The following OR56A3 variants were observed in gnomAD, a reference collection of about 807,000 sequenced individuals.
OR56A3 encodes the protein olfactory receptor 56A3.
Under a neutral mutation model 17.5 loss-of-function variants are expected in OR56A3, and 23 were observed. The observed-to-expected ratio is 1.32, with a 90% confidence interval of 0.95 to 1.87. OR56A3 has a LOEUF of 1.87. OR56A3 is among the 40% of genes most tolerant of loss of function. The pLI, the probability that OR56A3 is intolerant of heterozygous loss-of-function variation, is 0.00. For synonymous variants in OR56A3, 175 were observed against 150.6 expected, an observed-to-expected ratio of 1.16 and a Z score of -1.19; for missense variants, 366 against 380.1, an observed-to-expected ratio of 0.96 and a Z score of 0.31.
the OR56A3 span, among the ~76,000 whole-genome samples, chr11:6,009,118 AT>A: frequency 6.6e-6 from 1 of 152,196 alleles, no homozygotes; most frequent in Non-Finnish European, 1.5e-5. Context: ...TGCAGATGTA[AT>A]AAACTTAAAA....
chr11:6,002,510 A>G, the OR56A3 span: 1 of 1,614,260 alleles, frequency 6.2e-7, no homozygotes, highest in South Asian at 1.1e-5. Flanking sequence ...GCATGGGAAC[A>G]GGAAGAGAAA....
At chr11:6,003,024 T>C in the OR56A3 span, 1 of 1,614,168 alleles carries the variant, frequency 6.2e-7, no homozygotes, top group Non-Finnish European at 8.5e-7. Context: ...GGAGACCCAG[T>C]GTACCTTAAA....
At chr11:5,986,450 G>C in the OR56A3 span, 3 of 1,613,720 alleles carry the variant, frequency 1.9e-6, no homozygotes, top group Admixed American at 5.0e-5. Context: ...ATTCCGATGC[G>C]CCCTATGACC....
At chr11:5,952,335 A>G (rs944344830), downstream of OR56A3, among the ~76,000 whole-genome samples, 1 of 152,206 alleles carries the variant, frequency 6.6e-6, no homozygotes, top group African/African-American at 2.4e-5. Flanking sequence ...AAGCAGGAAC[A>G]GAATCCTATA....
the OR56A3 span, among the ~76,000 whole-genome samples, chr11:5,960,702 G>A: frequency 2.7e-4 from 41 of 152,086 alleles, no homozygotes; most frequent in South Asian, 5.4e-3. Context: ...AGTGAGGAGC[G>A]TCTCTGCCTG....
chr11:6,003,289 G>A, the OR56A3 span: 1 of 537,680 alleles, frequency 1.9e-6, no homozygotes. Context: ...ATAGAGATAA[G>A]GGAAAATTGT....
rs1847893010 is a variant in OR56A3 at position 5,949,001 on chromosome 11, T to G, written c.*707T>G. Reference sequence around the variant, plus strand: ...TCCTCTTCCCCAATGTGTCTGTGCTTAGAACATTTATCTTTCAGATCCAAT... The same window carrying G: ...TCCTCTTCCCCAATGTGTCTGTGCTGAGAACATTTATCTTTCAGATCCAAT... On this transcript the variant is annotated 3_prime_UTR_variant, in exon 3 of 3. Transcript: ENST00000641160. 1 of 152,228 alleles carries G rather than the reference T, an allele frequency of 6.6e-6. No homozygotes were observed. Among genetic ancestry groups the G allele is most frequent in the African/African-American group, 2.4e-5 (1 of 41,456 alleles). 9.4% of individuals were successfully genotyped at this position (152,228 alleles called of 1,614,324 possible). A position where few individuals can be genotyped will look rare whatever the true frequency, so the allele number is the denominator to read the frequency against.
At chr11:6,021,999 T>C in the OR56A3 span, 1 of 152,168 alleles carries the variant, frequency 6.6e-6, no homozygotes. Flanking sequence ...TGGGATCTGA[T>C]GGAGAAGGCC....
the OR56A3 span, among the ~76,000 whole-genome samples, chr11:5,985,305 CT>C: frequency 6.6e-6 from 1 of 152,078 alleles, no homozygotes; most frequent in African/African-American, 2.4e-5. Flanking sequence ...AAAGAGATAT[CT>C]TTTAAAATAA....
At chr11:6,018,040 G>A in the OR56A3 span, among the ~76,000 whole-genome samples, 24 of 20,896 alleles carry the variant, frequency 1.1e-3, no homozygotes, top group African/African-American at 2.4e-3. Context: ...GTGTGTGTGT[G>A]TATATATATA....
At chr11:5,995,115 G>T in the OR56A3 span, 269 of 583,410 alleles carry the variant, frequency 4.6e-4, no homozygotes, top group Admixed American at 7.6e-4. Flanking sequence ...CGCAGCCCAG[G>T]GACCGGTAGT....
the OR56A3 span, among the ~76,000 whole-genome samples, chr11:5,965,567 T>G: frequency 6.6e-6 from 1 of 152,028 alleles, no homozygotes; most frequent in Non-Finnish European, 1.5e-5. Context: ...GAAGGGAAAA[T>G]AAGAAAAAAA....
chr11:6,010,622 G>A, the OR56A3 span, among the ~76,000 whole-genome samples: 1 of 152,162 alleles, frequency 6.6e-6, no homozygotes, highest in Admixed American at 6.5e-5. Context: ...CCCATCAGAA[G>A]TGTGAGAAAG....
chr11:6,003,989 C>T, the OR56A3 span, among the ~76,000 whole-genome samples: 1 of 152,042 alleles, frequency 6.6e-6, no homozygotes, highest in Non-Finnish European at 1.5e-5. Context: ...TTTGTTTTCC[C>T]TGACTACTAA....
the OR56A3 span, among the ~76,000 whole-genome samples, chr11:5,990,834 A>C: frequency 6.6e-6 from 1 of 152,206 alleles, no homozygotes; most frequent in African/African-American, 2.4e-5. Flanking sequence ...TTAAAGACTC[A>C]GGTCAGCCTG....
the OR56A3 span, among the ~76,000 whole-genome samples, chr11:6,011,986 T>C: frequency 2.0e-5 from 3 of 152,164 alleles, no homozygotes; most frequent in African/African-American, 7.2e-5. Context: ...CCAGGAACCA[T>C]AGGGCCCCAA....
chr11:5,967,937 A>G, the OR56A3 span: 1 of 1,595,334 alleles, frequency 6.3e-7, no homozygotes. Flanking sequence ...GTTTAGACAC[A>G]GACACGTTAG....
At chr11:5,946,381 AC>A (rs1172970335) in intron 2 of OR56A3, among the ~76,000 whole-genome samples, 1 of 152,242 alleles carries the variant, frequency 6.6e-6, no homozygotes, top group Non-Finnish European at 1.5e-5. Context: ...CTGGTACCTA[AC>A]AGAATGCCAG....
the OR56A3 span, chr11:5,994,526 A>C: frequency 3.2e-6 from 3 of 938,096 alleles, no homozygotes; most frequent in African/African-American, 4.8e-5. Flanking sequence ...ATGGTTCTTC[A>C]TGAAGAGCAG....
Sources: allele counts gnomAD v4.1 joint callset (sites outside exome capture counted in the v4.1 genomes callset), GRCh38; gene constraint gnomAD v4.1.1; transcripts MANE v1.5; gene names NCBI Gene and HGNC (gene_info 2026-07-23, HGNC 2026-07-21).